MAP3K4: variants seen among roughly 807,000 people sequenced by gnomAD.
The protein encoded by MAP3K4 is MAP three kinase 1.
Under a neutral mutation model 185.6 loss-of-function variants are expected in MAP3K4, and 67 were observed. The ratio of observed to expected loss-of-function variants is 0.36; its 90% CI spans 0.30 to 0.44. MAP3K4 has a LOEUF of 0.44. Ranked by LOEUF, MAP3K4 falls within the 20% of genes least tolerant of loss-of-function variation. The pLI is 1.00. For missense variants in MAP3K4, 1,551 were observed against 1,995.1 expected (o/e 0.78, Z 4.24); for synonymous variants, 702 against 710.4 (o/e 0.99, Z 0.19).
In MAP3K4 at chr6:161,106,419, G is replaced by A; in HGVS notation, c.3857-95G>A. ...ATAATAAGCTTTGCTGTAATGGAGT[G>A]CTAATATATATTGCTCTATTTTTAT... On this transcript the variant is annotated intron_variant, in intron 19 of 26. Coordinates refer to ENST00000392142, the MANE Select transcript of MAP3K4 (RefSeq NM_005922.4). This position sits in a 1 kb window ranked among gnomAD's most constrained non-coding sequence, Gnocchi z 4.9. 1 of 818,062 alleles carries A rather than the reference G, an allele frequency of 1.2e-6. No individual in the cohort carries two copies. Among genetic ancestry groups the A allele is most frequent in the Middle Eastern group, 2.3e-4 (1 of 4,274 alleles). The allele number at this position is 818,062 out of a possible 1,614,324, so 50.7% of individuals were successfully genotyped here. A position where few individuals can be genotyped will look rare whatever the true frequency, so the allele number is the denominator to read the frequency against.
chr6:161,058,242 A>G (rs191292068), intron 3 of MAP3K4, among the ~76,000 whole-genome samples: 1 of 152,184 alleles, frequency 6.6e-6, no homozygotes, highest in East Asian at 1.9e-4. Flanking sequence ...TTAGTGTCTA[A>G]TATTTTTAAA....
rs1276317258 is a variant in MAP3K4 at position 161,051,910 on chromosome 6, C to T, written c.1707+1931C>T. Among the ~76,000 whole-genome samples, 2 of 152,190 alleles carry T rather than the reference C, an allele frequency of 1.3e-5. No individual in the cohort carries two copies. The highest frequency in any genetic ancestry group is 2.9e-5 in the Non-Finnish European group (2 of 68,020). ...CTACGTTGCCCAGGCTGGACTCAAACTCGTGGGCTAAAACAGTCCTCCTGC... is the reference window on the plus strand; with the variant it reads ...CTACGTTGCCCAGGCTGGACTCAAATTCGTGGGCTAAAACAGTCCTCCTGC... On this transcript the variant is annotated intron_variant, in intron 3 of 26. Transcript: ENST00000392142. The surrounding 1 kb of genome is among the most constrained non-coding windows in gnomAD (Gnocchi z 4.2).
At chr6:161,090,939 G>A (rs1329555283) in intron 11 of MAP3K4, among the ~76,000 whole-genome samples, 3 of 152,212 alleles carry the variant, frequency 2.0e-5, no homozygotes, top group African/African-American at 7.2e-5. Flanking sequence ...TGAGGGGAGG[G>A]GGAGAAATCT....
intron 1 of MAP3K4, among the ~76,000 whole-genome samples, chr6:161,011,928 C>T (rs952322939): frequency 2.0e-5 from 3 of 152,142 alleles, no homozygotes; most frequent in African/African-American, 7.2e-5. Context: ...GGGCATGGGG[C>T]CCCAGCAGTG....
intron 1 of MAP3K4, 143 bp downstream of exon 1, chr6:160,992,226 G>T: frequency 9.4e-6 from 11 of 1,173,212 alleles, no homozygotes; most frequent in Non-Finnish European, 1.1e-5. Context: ...GAGGGGCGCG[G>T]TGCATCCCTG....
intron 6 of MAP3K4, 149 bp downstream of exon 6, chr6:161,081,187 T>A: frequency 1.2e-6 from 1 of 862,740 alleles, no homozygotes; most frequent in Non-Finnish European, 1.7e-6. Flanking sequence ...TTCCAAGTTT[T>A]GAGTGGTGTT....
intron 1 of MAP3K4, among the ~76,000 whole-genome samples, chr6:161,026,782 T>C (rs1782693922): frequency 6.7e-6 from 1 of 149,106 alleles, no homozygotes; most frequent in Admixed American, 6.7e-5. Flanking sequence ...AAAGTCTGGT[T>C]AACCAGAATT....
chr6:161,026,881 G>A (rs1032904435), intron 1 of MAP3K4, among the ~76,000 whole-genome samples: 1 of 151,594 alleles, frequency 6.6e-6, no homozygotes, highest in African/African-American at 2.4e-5. Flanking sequence ...GCCTTCATCT[G>A]AATTATAAAC....
At chr6:161,027,110 A>G (rs1252249098) in intron 1 of MAP3K4, among the ~76,000 whole-genome samples, 1 of 152,162 alleles carries the variant, frequency 6.6e-6, no homozygotes, top group Non-Finnish European at 1.5e-5. Flanking sequence ...CTACTTTTCC[A>G]AGACCTGGTC....
intron 3 of MAP3K4, among the ~76,000 whole-genome samples, chr6:161,065,663 G>T (rs1033793487): frequency 1.5e-4 from 23 of 152,212 alleles, no homozygotes; most frequent in Non-Finnish European, 3.1e-4. Flanking sequence ...TGTGGGCTGG[G>T]CACGGTGGCT....
At chr6:161,052,764 T>G (rs146764975) in intron 3 of MAP3K4, among the ~76,000 whole-genome samples, 1 of 152,108 alleles carries the variant, frequency 6.6e-6, no homozygotes, top group Non-Finnish European at 1.5e-5. Context: ...TGTGTGTGAA[T>G]ATGTGTACAG....
Position 161,087,859 on chromosome 6 carries a change from G to C in MAP3K4, c.2728G>C (p.Ala910Pro), listed in dbSNP as rs1472472195. ...YLLLTKHGDR[A>P]RDSEDSWGTW... ...GCTTCTGACCAAGCACGGTGATCGA[G>C]CCCGTGATTCAGAGGACAGCTGGGG... Residue 910 changes from alanine (A) to proline (P), a missense_variant, in exon 10 of 27, where the codon GCC becomes CCC. Coordinates refer to ENST00000392142, the MANE Select transcript of MAP3K4 (RefSeq NM_005922.4). This position sits in a 1 kb window ranked among gnomAD's most constrained non-coding sequence, Gnocchi z 4.9. 6.2e-7 allele frequency: 1 copy of C among 1,614,136 alleles called. No homozygotes were observed. Among genetic ancestry groups the C allele is most frequent in the Non-Finnish European group, 8.5e-7 (1 of 1,180,028 alleles).
rs182963225 is a variant in MAP3K4, at chr6:161,009,174, G to T, written c.152+17091G>T. Reference sequence around the variant, plus strand: ...TAATTTGTGTATTTTTAGTAGAGACGGGGTTTCACACCTGTTGGCCAGGAT... The same window carrying T: ...TAATTTGTGTATTTTTAGTAGAGACTGGGTTTCACACCTGTTGGCCAGGAT... On this transcript the variant is annotated intron_variant, in intron 1 of 26. Coordinates refer to ENST00000392142, the MANE Select transcript of MAP3K4 (RefSeq NM_005922.4). 3.8e-3 allele frequency among the ~76,000 whole-genome samples: 579 copies of T among 151,984 alleles called. 7 individuals carry two copies. The highest frequency in any genetic ancestry group is 0.013 in the African/African-American group (540 of 41,482).
chr6:161,081,087 C>T (rs1173987928), intron 6 of MAP3K4, 49 bp downstream of exon 6: 2 of 1,579,520 alleles, frequency 1.3e-6, no homozygotes, highest in African/African-American at 1.4e-5. Context: ...TTCTCACTCT[C>T]ACACCATTTA....
At position 161,097,707 on chromosome 6, in the gene MAP3K4, C is replaced by T. The variant is rs1476296714; in HGVS notation, c.3524+531C>T. 6.6e-6 allele frequency among the ~76,000 whole-genome samples: 1 copy of T among 152,160 alleles called. No individual in the cohort carries two copies. Among genetic ancestry groups the T allele is most frequent in the African/African-American group, 2.4e-5 (1 of 41,446 alleles). On this transcript the variant is annotated intron_variant, in intron 16 of 26. Transcript: ENST00000392142. The surrounding 1 kb of genome is among the most constrained non-coding windows in gnomAD (Gnocchi z 4.9). ...CATCTTGAGGTAGTGAGCACCTTCT[C>T]TCGCCTGTATAATCAGTTTTTAAAA...
At position 160,992,012 on chromosome 6, in the gene MAP3K4, A is replaced by ACCGCCGCCG; in HGVS notation, c.87_95dup (p.Pro34_Pro36dup). 1.9e-6 allele frequency: 3 copies of ACCGCCGCCG among 1,539,728 alleles called. No individual in the cohort carries two copies. The highest frequency in any genetic ancestry group is 2.6e-6 in the Non-Finnish European group (3 of 1,150,118). On this transcript the variant is annotated inframe_insertion, in exon 1 of 27. Transcript: ENST00000392142. ...CCGCCGCCATGGAGGAGCCGCCGCC[A>ACCGCCGCCG]CCGCCGCCGCCGCCACCACCGCCAC...
At chr6:161,030,763 TG>T (rs1159081669) in intron 1 of MAP3K4, among the ~76,000 whole-genome samples, 1 of 152,212 alleles carries the variant, frequency 6.6e-6, no homozygotes, top group Non-Finnish European at 1.5e-5. Context: ...ATTTATTAGG[TG>T]CTAGACTCTT....
At chr6:161,033,037 G>A (rs375861933) in intron 1 of MAP3K4, among the ~76,000 whole-genome samples, 1 of 152,086 alleles carries the variant, frequency 6.6e-6, no homozygotes, top group African/African-American at 2.4e-5. Context: ...TTTTCAAAAG[G>A]TAATTTATTT....
At position 160,991,936 on chromosome 6, in the gene MAP3K4, G is replaced by C; in HGVS notation, c.5G>C (p.Arg2Thr). Residue 2 changes from arginine (R) to threonine (T), a missense_variant, in exon 1 of 27, where the codon AGA becomes ACA. Coordinates refer to ENST00000392142, the MANE Select transcript of MAP3K4 (RefSeq NM_005922.4). The surrounding 1 kb of genome is among the most constrained non-coding windows in gnomAD (Gnocchi z 5.7). ...CATGCGGGGCTCCGTGCACGGATGAGAGAAGCCGCTGCCGCGCTGGTCCCT... is the reference window on the plus strand; with the variant it reads ...CATGCGGGGCTCCGTGCACGGATGACAGAAGCCGCTGCCGCGCTGGTCCCT... M[R>T]EAAAALVPPP... The C allele has an allele frequency of 6.5e-7, 1 of 1,539,150 alleles. No homozygotes were observed. The highest frequency in any genetic ancestry group is 1.2e-5 in the South Asian group (1 of 84,148).
Sources: gnomAD v4.1 joint callset for allele counts (sites outside exome capture counted in the v4.1 genomes callset) on GRCh38, gnomAD v4.1.1 for gene constraint, Gnocchi (gnomAD v3.1) non-coding constraint, MANE v1.5 for transcripts, NCBI Gene and HGNC (gene_info 2026-07-23, HGNC 2026-07-21) for gene names.